Variants in FAT3 observed in about 807,000 individuals in gnomAD.
The protein encoded by FAT3 is protocadherin Fat 3.
FAT3 carries 95 observed loss-of-function variants against 310.2 expected under a neutral mutation model. The observed-to-expected ratio is 0.31, with a 90% CI of 0.26 to 0.36. The LOEUF (loss-of-function observed/expected upper bound fraction) is 0.36. Among genes scored for constraint, FAT3 ranks in the 10% least tolerant of loss-of-function variants. FAT3 has a pLI of 1.00. For synonymous variants in FAT3, 2,314 were observed against 2,192.9 expected (o/e 1.06, Z -1.54); for missense variants, 5,408 against 5,715.6 (o/e 0.95, Z 1.74).
intron 3 of FAT3, among the ~76,000 whole-genome samples, chr11:92,567,202 AACCC>A (rs1955490806): frequency 1.9e-4 from 1 of 5,202 alleles, no homozygotes; most frequent in Admixed American, 2.0e-3. Context: ...AAAAAAACAA[AACCC>A]CATCAAAAAG....
In FAT3 at chr11:92,353,630, C is replaced by T. The variant is rs1948634936; in HGVS notation, c.1518C>T (p.Tyr506=). The part of the protein sequence containing the change: ...ASDKDKGENG[Y]ITYSIASLNL... ...ATAAGGATAAAGGAGAAAATGGGTACATCACCTATAGTATCGCTAGCCTGA... is the reference window on the plus strand; with the variant it reads ...ATAAGGATAAAGGAGAAAATGGGTATATCACCTATAGTATCGCTAGCCTGA... The change falls in exon 2 of 28, where the codon TAC becomes TAT. Residue 506 remains tyrosine, a synonymous_variant. Transcript: ENST00000525166. The T allele has an allele frequency of 3.1e-6, 5 of 1,613,876 alleles. No homozygotes were observed. The South Asian group carries it at 4.4e-5, about 14-fold the overall frequency.
chr11:92,297,137 G>A (rs750532411), intron 1 of FAT3, among the ~76,000 whole-genome samples: 1 of 152,076 alleles, frequency 6.6e-6, no homozygotes, highest in Non-Finnish European at 1.5e-5. Flanking sequence ...GTAGTTGACT[G>A]TCAGGTTTAG....
chr11:92,248,227 G>T (rs1012475626), intron 1 of FAT3, among the ~76,000 whole-genome samples: 1 of 151,692 alleles, frequency 6.6e-6, no homozygotes, highest in Admixed American at 6.6e-5. Context: ...ACTATTTTTT[G>T]CAGGAATGGC....
rs561903671 is a variant in FAT3, at chr11:92,738,242, T to C, written c.3670-23614T>C. On this transcript the variant is annotated intron_variant, in intron 4 of 27. Transcript: ENST00000525166. The stretch of plus-strand genomic sequence containing the variant: ...CGTAATCACCTTATGAGAAGAGAAC[T>C]CAATAATATAGATTTTTACTGCAGG... Among the ~76,000 whole-genome samples the C allele has an allele frequency of 5.9e-5, 9 of 152,254 alleles. No individual in the cohort carries two copies. The East Asian group carries it at 1.7e-3, about 29-fold the overall frequency.
At chr11:92,651,403 GA>G (rs1282299644) in intron 3 of FAT3, among the ~76,000 whole-genome samples, 1 of 152,168 alleles carries the variant, frequency 6.6e-6, no homozygotes, top group Non-Finnish European at 1.5e-5. Context: ...TCAGCTTCAG[GA>G]ATAGGCACAG....
At chr11:92,759,766 T>G (rs1295796864) in intron 4 of FAT3, among the ~76,000 whole-genome samples, 2 of 152,088 alleles carry the variant, frequency 1.3e-5, no homozygotes, top group Admixed American at 1.3e-4. Context: ...AAGAAAAACA[T>G]TTTATAGCAG....
At chr11:92,736,623 A>G (rs118026986) in intron 4 of FAT3, among the ~76,000 whole-genome samples, 139 of 152,310 alleles carry the variant, frequency 9.1e-4, no homozygotes, top group Non-Finnish European at 1.6e-3. Context: ...ACCCCAGGCC[A>G]TTAGCATTGT....
rs548523711 is a variant in FAT3 at position 92,886,138 on chromosome 11, C to G, written c.12938-862C>G. Among the ~76,000 whole-genome samples the G allele has an allele frequency of 6.6e-5, 10 of 152,312 alleles. No homozygotes were observed. In the South Asian group the frequency reaches 2.1e-3, roughly 32 times the overall value. On this transcript the variant is annotated intron_variant, in intron 24 of 27. Transcript: ENST00000525166. ...ACAGCTTTATTTCCAGAATTCACCT[C>G]AGGCCAAAACTCACATTTCCCCCCA...
At chr11:92,796,192 C>G (rs978710148) in intron 9 of FAT3, among the ~76,000 whole-genome samples, 6 of 152,228 alleles carry the variant, frequency 3.9e-5, no homozygotes, top group African/African-American at 1.4e-4. Context: ...TGGATTCACA[C>G]TCAATTCTAT....
chr11:92,830,210 C>G (rs760129680), intron 13 of FAT3, among the ~76,000 whole-genome samples: 1 of 152,202 alleles, frequency 6.6e-6, no homozygotes, highest in Non-Finnish European at 1.5e-5. Flanking sequence ...CTAAAGTGAA[C>G]ATGAGGTTTC....
intron 2 of FAT3, among the ~76,000 whole-genome samples, chr11:92,414,854 C>T (rs957040692): frequency 2.6e-5 from 4 of 151,862 alleles, no homozygotes; most frequent in Non-Finnish European, 4.4e-5. Context: ...ACTAAAAATA[C>T]GAAAAGTTAG....
At chr11:92,620,658 T>A (rs538203487) in intron 3 of FAT3, among the ~76,000 whole-genome samples, 10 of 152,312 alleles carry the variant, frequency 6.6e-5, no homozygotes, top group Admixed American at 3.3e-4. Context: ...TTAAAAAAAA[T>A]TATATTTTTA....
chr11:92,266,475 ACTGT>A (rs1282402063), intron 1 of FAT3, among the ~76,000 whole-genome samples: 2 of 152,158 alleles, frequency 1.3e-5, no homozygotes, highest in Non-Finnish European at 2.9e-5. Flanking sequence ...AGCTTTTATC[ACTGT>A]CTGTGTCAGA....
intron 3 of FAT3, among the ~76,000 whole-genome samples, chr11:92,564,150 T>G (rs1955343655): frequency 6.6e-6 from 1 of 152,142 alleles, no homozygotes; most frequent in South Asian, 2.1e-4. Context: ...CCATCTCACA[T>G]GCAGAGACAC....
At chr11:92,608,476 G>A (rs1013605610) in intron 3 of FAT3, among the ~76,000 whole-genome samples, 15 of 152,004 alleles carry the variant, frequency 9.9e-5, no homozygotes, top group African/African-American at 2.7e-4. Context: ...CTGCTTGGGT[G>A]TGAAATATGT....
intron 19 of FAT3, among the ~76,000 whole-genome samples, 160 bp downstream of exon 19, chr11:92,844,892 G>C (rs1948649278): frequency 6.6e-6 from 1 of 152,234 alleles, no homozygotes; most frequent in South Asian, 2.1e-4. Flanking sequence ...GGCTGCAGGA[G>C]GTACAGTCCC....
chr11:92,476,230 C>T (rs973401800), intron 2 of FAT3, among the ~76,000 whole-genome samples: 1 of 152,124 alleles, frequency 6.6e-6, no homozygotes, highest in African/African-American at 2.4e-5. Context: ...TTGGATTTGG[C>T]TAGATCACCA....
At chr11:92,417,069 A>G (rs1022295915) in intron 2 of FAT3, among the ~76,000 whole-genome samples, 3 of 152,232 alleles carry the variant, frequency 2.0e-5, no homozygotes, top group East Asian at 1.9e-4. Context: ...GTTTGATTCT[A>G]TAAGCTCTCC....
At chr11:92,709,629 G>T (rs1944459616) in intron 4 of FAT3, among the ~76,000 whole-genome samples, 1 of 152,210 alleles carries the variant, frequency 6.6e-6, no homozygotes, top group African/African-American at 2.4e-5. Flanking sequence ...TGGAAGTTTA[G>T]GGCTCCAGGT....
Sources: allele counts gnomAD v4.1 joint callset (sites outside exome capture counted in the v4.1 genomes callset), GRCh38; gene constraint gnomAD v4.1.1; transcripts MANE v1.5; gene names NCBI Gene and HGNC (gene_info 2026-07-23, HGNC 2026-07-21).